The following COMMD10 variants were observed in gnomAD, a reference collection of about 807,000 sequenced individuals.
COMMD10 encodes the protein COMM domain containing 10.
Under a neutral mutation model 28.9 loss-of-function variants are expected in COMMD10, and 33 were observed. The observed-to-expected ratio is 1.14, with a 90% CI of 0.87 to 1.53. The LOEUF is 1.53. Among genes scored for constraint, COMMD10 ranks in the 40% most tolerant of loss-of-function variants. The pLI is 0.00. For missense variants in COMMD10, 310 were observed against 233.4 expected (o/e 1.33, Z -2.14); for synonymous variants, 110 against 81.7 (o/e 1.35, Z -1.87).
At chr5:116,156,583 G>T (rs11951865) in intron 5 of COMMD10, among the ~76,000 whole-genome samples, 75,693 of 151,912 alleles carry the variant, frequency 0.5, 21,895 homozygotes, top group Non-Finnish European at 0.65. Context: ...AGAAAGTTGG[G>T]GGCCTGAAGG....
intron 4 of COMMD10, among the ~76,000 whole-genome samples, chr5:116,123,232 C>T (rs937278266): frequency 1.3e-5 from 2 of 151,862 alleles, no homozygotes; most frequent in African/African-American, 4.8e-5. Flanking sequence ...GAATCTAATA[C>T]CTCTAATACC....
chr5:116,102,555 A>G (rs996150154), intron 4 of COMMD10, among the ~76,000 whole-genome samples: 3 of 152,168 alleles, frequency 2.0e-5, no homozygotes, highest in African/African-American at 4.8e-5. Flanking sequence ...CATTGCTTCC[A>G]TATGAATTTT....
At chr5:116,154,665 G>A (rs1473437497) in intron 5 of COMMD10, among the ~76,000 whole-genome samples, 3 of 151,640 alleles carry the variant, frequency 2.0e-5, no homozygotes, top group African/African-American at 7.3e-5. Flanking sequence ...GTATACATAG[G>A]CCACCTTTAT....
At chr5:116,152,050 T>G (rs1561633584) in intron 5 of COMMD10, among the ~76,000 whole-genome samples, 1 of 152,196 alleles carries the variant, frequency 6.6e-6, no homozygotes, top group African/African-American at 2.4e-5. Context: ...GATTCTGGTA[T>G]GTTGTGTCTT....
intron 5 of COMMD10, among the ~76,000 whole-genome samples, chr5:116,219,120 G>T (rs538385593): frequency 6.6e-6 from 1 of 152,288 alleles, no homozygotes; most frequent in African/African-American, 2.4e-5. Flanking sequence ...AGCCACAGGA[G>T]AAACCAGCCC....
intron 4 of COMMD10, among the ~76,000 whole-genome samples, chr5:116,102,773 C>G (rs927461897): frequency 2.6e-5 from 4 of 152,086 alleles, no homozygotes; most frequent in Non-Finnish European, 5.9e-5. Context: ...CCCATCAACC[C>G]GTCATCTACA....
At chr5:116,126,396 A>G (rs1482525461) in intron 4 of COMMD10, among the ~76,000 whole-genome samples, 1 of 143,480 alleles carries the variant, frequency 7.0e-6, no homozygotes, top group African/African-American at 2.9e-5. Flanking sequence ...ACTACCAATG[A>G]CTTTCTTCAC....
At chr5:116,222,687 T>C (rs1243827203) in intron 5 of COMMD10, among the ~76,000 whole-genome samples, 1 of 152,104 alleles carries the variant, frequency 6.6e-6, no homozygotes, top group Non-Finnish European at 1.5e-5. Flanking sequence ...TTAGCCTATT[T>C]ATTTATTTGT....
intron 5 of COMMD10, among the ~76,000 whole-genome samples, chr5:116,144,740 G>A (rs1040647017): frequency 4.6e-5 from 7 of 151,820 alleles, no homozygotes; most frequent in Non-Finnish European, 8.8e-5. Flanking sequence ...ACAATTGAGA[G>A]GAGAAGAAAG....
chr5:116,171,942 T>C (rs572829242), intron 5 of COMMD10, among the ~76,000 whole-genome samples: 2 of 152,256 alleles, frequency 1.3e-5, no homozygotes, highest in African/African-American at 4.8e-5. Context: ...AATCTGCATG[T>C]TCTGCACATG....
intron 5 of COMMD10, among the ~76,000 whole-genome samples, chr5:116,232,160 T>A (rs1749544480): frequency 6.6e-6 from 1 of 152,168 alleles, no homozygotes; most frequent in Non-Finnish European, 1.5e-5. Flanking sequence ...TGTATCAATT[T>A]CAGAAGTCCA....
chr5:116,172,432 G>A (rs1753366155), intron 5 of COMMD10, among the ~76,000 whole-genome samples: 3 of 152,052 alleles, frequency 2.0e-5, no homozygotes. Context: ...CTCTAAATGT[G>A]CTACCCTGAA....
At chr5:116,275,795 C>T (rs1561404822) in intron 5 of COMMD10, among the ~76,000 whole-genome samples, 1 of 151,636 alleles carries the variant, frequency 6.6e-6, no homozygotes, top group African/African-American at 2.4e-5. Flanking sequence ...ACATCAGATC[C>T]TAAATCATAA....
chr5:116,230,930 A>G (rs1370464572), intron 5 of COMMD10, among the ~76,000 whole-genome samples: 4 of 152,048 alleles, frequency 2.6e-5, no homozygotes, highest in Non-Finnish European at 5.9e-5. Flanking sequence ...CTGGCTTTCC[A>G]TTGACTTACT....
intron 4 of COMMD10, among the ~76,000 whole-genome samples, chr5:116,124,471 G>A (rs1035195075): frequency 6.6e-6 from 1 of 152,124 alleles, no homozygotes; most frequent in Non-Finnish European, 1.5e-5. Flanking sequence ...CATTGGCTGA[G>A]GAGTGCTTTA....
intron 4 of COMMD10, among the ~76,000 whole-genome samples, chr5:116,115,949 T>G (rs1235620082): frequency 6.6e-6 from 1 of 152,200 alleles, no homozygotes; most frequent in East Asian, 1.9e-4. Context: ...TCAGGGAGTT[T>G]TAAAATATAA....
chr5:116,154,726 A>G (rs1166597265), intron 5 of COMMD10, among the ~76,000 whole-genome samples: 2 of 152,050 alleles, frequency 1.3e-5, no homozygotes, highest in African/African-American at 4.8e-5. Context: ...TGACCACAGA[A>G]CTTACTTTTC....
chr5:116,260,011 T>G (rs943764242), intron 5 of COMMD10, among the ~76,000 whole-genome samples: 3 of 151,802 alleles, frequency 2.0e-5, no homozygotes, highest in Admixed American at 2.0e-4. Context: ...TTCTTCAAAA[T>G]TTTTGGTCTG....
intron 5 of COMMD10, among the ~76,000 whole-genome samples, chr5:116,210,619 A>G (rs767931144): frequency 6.6e-6 from 1 of 152,112 alleles, no homozygotes; most frequent in Non-Finnish European, 1.5e-5. Context: ...GTCTGTGGTG[A>G]TCTGTGTGTT....
Sources: allele counts gnomAD v4.1 joint callset (sites outside exome capture counted in the v4.1 genomes callset), GRCh38; gene constraint gnomAD v4.1.1; transcripts MANE v1.5; gene names NCBI Gene and HGNC (gene_info 2026-07-23, HGNC 2026-07-21).